NELL2: variants seen among roughly 807,000 people sequenced by gnomAD.
NELL2 encodes protein kinase C-binding protein NELL2.
A neutral mutation model predicts 109.6 loss-of-function variants in NELL2; 41 were observed. The observed-to-expected ratio is 0.37, with a 90% confidence interval of 0.29 to 0.49. The LOEUF is 0.49. Among genes scored for constraint, NELL2 ranks in the 20% least tolerant of loss-of-function variants. The probability of loss-of-function intolerance (pLI) is 0.98; values close to 1 mark genes in which losing one functional copy is unlikely to be tolerated. For missense variants in NELL2, 900 were observed against 1,008.3 expected (o/e 0.89, Z 1.45); for synonymous variants, 355 against 344.7 (o/e 1.03, Z -0.33).
chr12:44,819,066 T>A (rs986183952), intron 2 of NELL2, among the ~76,000 whole-genome samples: 1 of 152,174 alleles, frequency 6.6e-6, no homozygotes, highest in African/African-American at 2.4e-5. Flanking sequence ...TTAATTTTGT[T>A]CTGTTTTCAG....
intron 15 of NELL2, among the ~76,000 whole-genome samples, chr12:44,551,443 C>T (rs1393545633): frequency 6.6e-6 from 1 of 152,116 alleles, no homozygotes; most frequent in East Asian, 1.9e-4. Context: ...CTTGAGGATA[C>T]ATGAGTAAAG....
chr12:44,630,627 T>C (rs1040973267), intron 13 of NELL2, among the ~76,000 whole-genome samples: 2 of 152,160 alleles, frequency 1.3e-5, no homozygotes, highest in South Asian at 4.1e-4. Context: ...CCCTGGGAAT[T>C]ATCCTTTAAG....
intron 15 of NELL2, among the ~76,000 whole-genome samples, chr12:44,562,042 C>T (rs750420297): frequency 3.9e-5 from 6 of 152,092 alleles, no homozygotes; most frequent in Non-Finnish European, 8.8e-5. Context: ...CATTGACAAA[C>T]TTGACAAAAA....
chr12:44,636,828 C>A (rs1385250606), intron 13 of NELL2, among the ~76,000 whole-genome samples: 1 of 151,848 alleles, frequency 6.6e-6, no homozygotes, highest in Non-Finnish European at 1.5e-5. Flanking sequence ...CCCTCTTTTT[C>A]TATTGTTTGG....
intron 13 of NELL2, among the ~76,000 whole-genome samples, chr12:44,639,348 A>ATGT (rs1343604612): frequency 1.3e-5 from 2 of 152,150 alleles, no homozygotes; most frequent in Non-Finnish European, 2.9e-5. Context: ...TCATGAACCC[A>ATGT]TGTAAACTAA....
chr12:44,701,613 G>GATCA (rs775286644), intron 12 of NELL2, among the ~76,000 whole-genome samples: 1 of 152,034 alleles, frequency 6.6e-6, no homozygotes, highest in Non-Finnish European at 1.5e-5. Context: ...GGCTCCTTTT[G>GATCA]ATCAATTCTA....
intron 9 of NELL2, among the ~76,000 whole-genome samples, chr12:44,765,719 A>T (rs187901570): frequency 2.0e-5 from 3 of 152,314 alleles, no homozygotes; most frequent in Admixed American, 1.3e-4. Context: ...TTTTTAAGGC[A>T]ATTTCATGTG....
intron 15 of NELL2, among the ~76,000 whole-genome samples, chr12:44,573,741 T>A (rs1803067181): frequency 6.6e-6 from 1 of 152,210 alleles, no homozygotes; most frequent in African/African-American, 2.4e-5. Context: ...GCAAAAATAA[T>A]TCAGTTAAGG....
chr12:44,887,068 T>C (rs963612448), intron 1 of NELL2, among the ~76,000 whole-genome samples: 4 of 152,126 alleles, frequency 2.6e-5, no homozygotes, highest in African/African-American at 9.7e-5. Flanking sequence ...TGAATAGTGC[T>C]GAATGAGCAT....
intron 15 of NELL2, among the ~76,000 whole-genome samples, chr12:44,536,523 T>C (rs1942300820): frequency 6.6e-6 from 1 of 152,056 alleles, no homozygotes; most frequent in Non-Finnish European, 1.5e-5. Context: ...AAAAATGTTA[T>C]TATTTTATTC....
At chr12:44,591,116 G>A (rs532120663) in intron 15 of NELL2, among the ~76,000 whole-genome samples, 90 of 151,940 alleles carry the variant, frequency 5.9e-4, no homozygotes, top group Non-Finnish European at 1.0e-3. Context: ...ATCAAAAAGA[G>A]AAAAAATAAC....
At chr12:44,647,080 C>T (rs1947124029) in intron 13 of NELL2, among the ~76,000 whole-genome samples, 1 of 152,202 alleles carries the variant, frequency 6.6e-6, no homozygotes, top group African/African-American at 2.4e-5. Context: ...TGCAATAGCA[C>T]ATATGCATTC....
chr12:44,748,600 T>C (rs1940504008), intron 9 of NELL2, among the ~76,000 whole-genome samples: 2 of 152,116 alleles, frequency 1.3e-5, no homozygotes, highest in South Asian at 4.1e-4. Flanking sequence ...GGGAATCATA[T>C]AAATGACTGA....
At position 44,532,602 on chromosome 12, in the gene NELL2, G is replaced by A. The variant is rs80147310; in HGVS notation, c.1783C>T (p.Pro595Ser). Reference sequence around the variant, plus strand: ...TGACCTTCACACGATTCTCCACTTGGTGAAAACATCCCATTGTCATGGTAG... The same window carrying A: ...TGACCTTCACACGATTCTCCACTTGATGAAAACATCCCATTGTCATGGTAG... The part of the protein sequence containing the change: ...DGYHDNGMFS[P>S]SGESCEDIDE... The change falls in exon 16 of 20, where the codon CCA (proline) becomes TCA (serine). Residue 595 changes from proline (P) to serine (S), a missense_variant. Pro to Ser is a moderately conservative substitution (Grantham distance 74, BLOSUM62 -1). Coordinates refer to ENST00000429094, the MANE Select transcript of NELL2 (RefSeq NM_001145108.2). The A allele has an allele frequency of 1.7e-5, 28 of 1,613,350 alleles. No homozygotes were observed. The South Asian group carries it at 2.9e-4, about 16-fold the overall frequency.
intron 9 of NELL2, among the ~76,000 whole-genome samples, chr12:44,736,308 C>T (rs1212698414): frequency 6.6e-6 from 1 of 151,960 alleles, no homozygotes; most frequent in Non-Finnish European, 1.5e-5. Flanking sequence ...CGCGCCCGGC[C>T]TTCTTTATTT....
chr12:44,840,007 A>G (rs987168137), intron 2 of NELL2, among the ~76,000 whole-genome samples: 1 of 152,190 alleles, frequency 6.6e-6, no homozygotes, highest in Non-Finnish European at 1.5e-5. Flanking sequence ...CCACTCTCCC[A>G]CATGTGTGCT....
chr12:44,599,305 T>A (rs1945105930), intron 15 of NELL2, among the ~76,000 whole-genome samples: 1 of 152,014 alleles, frequency 6.6e-6, no homozygotes, highest in South Asian at 2.1e-4. Flanking sequence ...GCTGTAAATT[T>A]TATAATATAA....
intron 13 of NELL2, among the ~76,000 whole-genome samples, chr12:44,615,917 A>C (rs1279851640): frequency 2.0e-5 from 3 of 152,156 alleles, no homozygotes; most frequent in Non-Finnish European, 2.9e-5. Flanking sequence ...TTCAAGTTCA[A>C]ATCCCTGCCA....
At chr12:44,895,135 G>A (rs576314203) in intron 1 of NELL2, among the ~76,000 whole-genome samples, 6 of 152,128 alleles carry the variant, frequency 3.9e-5, no homozygotes, top group Non-Finnish European at 8.8e-5. Context: ...GAAGCCTGAT[G>A]GAGAAAGGAA....
Sources: allele counts gnomAD v4.1 joint callset (sites outside exome capture counted in the v4.1 genomes callset), GRCh38; gene constraint gnomAD v4.1.1; transcripts MANE v1.5; gene names NCBI Gene and HGNC (gene_info 2026-07-23, HGNC 2026-07-21).